Variants in NUP88 observed in about 807,000 individuals in gnomAD.
The protein encoded by NUP88 is nucleoporin 88, also known as nuclear pore complex protein Nup88.
In NUP88, 57 loss-of-function variants were observed where a neutral mutation model predicts 93.9. The observed-to-expected ratio is 0.61, with a 90% CI of 0.49 to 0.76. The LOEUF (loss-of-function observed/expected upper bound fraction) is 0.76. NUP88 is among the 30% of genes least tolerant of loss of function. The pLI is 0.00. For missense variants in NUP88, 911 were observed against 901.0 expected, an observed-to-expected ratio of 1.01 and a Z score of -0.14; for synonymous variants, 346 against 336.8, an observed-to-expected ratio of 1.03 and a Z score of -0.30.
intron 6 of NUP88, among the ~76,000 whole-genome samples, chr17:5,404,607 T>C (rs1012562547): frequency 6.6e-6 from 1 of 151,948 alleles, no homozygotes; most frequent in African/African-American, 2.4e-5. Context: ...AGAGCGAAAC[T>C]CTGTCTCCAA....
chr17:5,390,523 G>A (rs958227721), intron 10 of NUP88, among the ~76,000 whole-genome samples: 5 of 152,084 alleles, frequency 3.3e-5, no homozygotes, highest in East Asian at 1.9e-4. Context: ...AGCTTTGAAC[G>A]GACAAGGGGT....
At chr17:5,389,775 CAA>C (rs58723410) in intron 10 of NUP88, among the ~76,000 whole-genome samples, 2,656 of 76,480 alleles carry the variant, frequency 0.035, 61 homozygotes, top group African/African-American at 0.12. Context: ...GACTCTGTCT[CAA>C]AAAAAAAAAA....
intron 3 of NUP88, 105 bp downstream of exon 3, chr17:5,413,904 T>C: frequency 8.2e-7 from 1 of 1,223,320 alleles, no homozygotes; most frequent in Non-Finnish European, 1.2e-6. Flanking sequence ...ATAAAAGCAC[T>C]GACTCATTCA....
At position 5,392,236 on chromosome 17, in the gene NUP88, G is replaced by T. The variant is rs3026130; in HGVS notation, c.1383-574C>A. On this transcript the variant is annotated intron_variant, in intron 9 of 16. Coordinates refer to ENST00000573584, the MANE Select transcript of NUP88 (RefSeq NM_002532.6). ...CTACAACACACATCTGCCCCCGAAT[G>T]TGGATGCCGCCTCCTCTCACACCTT... Among the ~76,000 whole-genome samples, 521 of 152,314 alleles carry T rather than the reference G, an allele frequency of 3.4e-3. 3 individuals carry two copies. The highest frequency in any genetic ancestry group is 0.012 in the African/African-American group (487 of 41,562).
intron 7 of NUP88, among the ~76,000 whole-genome samples, chr17:5,401,955 T>C (rs1913195542): frequency 6.6e-6 from 1 of 152,222 alleles, no homozygotes; most frequent in South Asian, 2.1e-4. Flanking sequence ...ATATGCCTTG[T>C]TCAGCACAAT....
chr17:5,401,872 A>G (rs924506380), intron 7 of NUP88, among the ~76,000 whole-genome samples: 1 of 152,252 alleles, frequency 6.6e-6, no homozygotes, highest in Non-Finnish European at 1.5e-5. Context: ...GAAATTTGTT[A>G]GATACCACCC....
chr17:5,400,273 A>G (rs909218764), intron 7 of NUP88, among the ~76,000 whole-genome samples: 1 of 151,552 alleles, frequency 6.6e-6, no homozygotes, highest in Non-Finnish European at 1.5e-5. Context: ...CCGAGGTGGG[A>G]GGATCACAAG....
intron 7 of NUP88, among the ~76,000 whole-genome samples, chr17:5,402,217 G>C (rs1364819495): frequency 1.3e-5 from 2 of 152,088 alleles, no homozygotes; most frequent in Non-Finnish European, 1.5e-5. Context: ...TGAGGCAGGA[G>C]AATCGCTTGA....
Position 5,408,720 on chromosome 17 carries a change from C to T in NUP88, c.857+13G>A. The T allele has an allele frequency of 6.4e-7, 1 of 1,565,852 alleles. No individual in the cohort carries two copies. The highest frequency in any genetic ancestry group is 1.4e-5 in the African/African-American group (1 of 72,274). On this transcript the variant is annotated intron_variant, in intron 5 of 16. Coordinates refer to ENST00000573584, the MANE Select transcript of NUP88 (RefSeq NM_002532.6). The stretch of plus-strand genomic sequence containing the variant: ...TGAGTTTTCATTTCAGGTGGGTGAC[C>T]ACCTCAACTTACCTGTGTAACAGAC...
chr17:5,410,471 T>G (rs1329349662), intron 4 of NUP88, among the ~76,000 whole-genome samples: 3 of 99,432 alleles, frequency 3.0e-5, no homozygotes. Context: ...GGCTCAGGCC[T>G]GTAATTCCAG....
chr17:5,419,406 C>G lies in NUP88; in HGVS notation c.245G>C (p.Arg82Pro), dbSNP rs1460907683. ...DGEDSSFLVVRLRGPSGGGEE... is the reference protein window; with the variant it reads ...DGEDSSFLVVPLRGPSGGGEE... ...GCCGCCGCCGCTGGGGCCCCGAAGG[C>G]GAACGACTAAGAAGGAGCTGTCTTC... is the stretch of plus-strand genomic sequence containing the variant. The change falls in exon 1 of 17, where the codon CGC (arginine) becomes CCC (proline). Residue 82 changes from arginine (R) to proline (P), a missense_variant. Coordinates refer to ENST00000573584, the MANE Select transcript of NUP88 (RefSeq NM_002532.6). 7 of 1,611,080 alleles carry G rather than the reference C, an allele frequency of 4.3e-6. No homozygotes were observed. In the Admixed American group the frequency reaches 1.2e-4, roughly 27 times the overall value.
At position 5,388,788 on chromosome 17, in the gene NUP88, C is replaced by G; in HGVS notation, c.1643+14G>C. On this transcript the variant is annotated intron_variant, in intron 11 of 16. Coordinates refer to ENST00000573584, the MANE Select transcript of NUP88 (RefSeq NM_002532.6). ...GAACCCATTCATAAAACCGCTATGCCCAAGGTTGCATACTTCAAAAATGCT... is the reference window on the plus strand; with the variant it reads ...GAACCCATTCATAAAACCGCTATGCGCAAGGTTGCATACTTCAAAAATGCT... 1 of 1,609,458 alleles carries G rather than the reference C, an allele frequency of 6.2e-7. No individual in the cohort carries two copies. The highest frequency in any genetic ancestry group is 2.2e-5 in the East Asian group (1 of 44,738).
chr17:5,416,996 G>T (rs202081159), intron 1 of NUP88, among the ~76,000 whole-genome samples: 2 of 117,892 alleles, frequency 1.7e-5, no homozygotes, highest in Non-Finnish European at 3.5e-5. Flanking sequence ...TAATTAAAAA[G>T]GTTTTTTTTG....
chr17:5,390,857 G>A (rs60793272), intron 10 of NUP88, among the ~76,000 whole-genome samples: 66,324 of 151,766 alleles, frequency 0.44, 15,251 homozygotes, highest in East Asian at 0.84. Context: ...ACCATGCCTG[G>A]CTAATTTTTT....
chr17:5,402,520 C>G (rs1425829540), intron 7 of NUP88, among the ~76,000 whole-genome samples: 1 of 152,182 alleles, frequency 6.6e-6, no homozygotes, highest in Non-Finnish European at 1.5e-5. Flanking sequence ...AATGTACACT[C>G]TTTGCTGGTT....
intron 4 of NUP88, 92 bp from the exon 5 acceptor site, chr17:5,409,001 A>G (rs1913664811): frequency 2.8e-6 from 3 of 1,078,358 alleles, no homozygotes; most frequent in Admixed American, 3.0e-5. Context: ...AAAATGTCTA[A>G]TAACAGGAGG....
Position 5,385,171 on chromosome 17 carries a change from CTTAAGTTTTGT to C in NUP88, c.*1024_*1034del. On this transcript the variant is annotated 3_prime_UTR_variant, in exon 17 of 17. Coordinates refer to ENST00000573584, the MANE Select transcript of NUP88 (RefSeq NM_002532.6). ...TTGTAGAAAAACCCAAACTGAGACT[CTTAAGTTTTGT>C]TTAGCAATGTGTTTCTGGTATGAAA... 1 of 229,940 alleles carries C rather than the reference CTTAAGTTTTGT, an allele frequency of 4.3e-6. No individual in the cohort carries two copies. The highest frequency in any genetic ancestry group is 1.8e-4 in the South Asian group (1 of 5,500). The allele number at this position is 229,940 out of a possible 1,614,324, so 14.2% of individuals were successfully genotyped here.
intron 10 of NUP88, 121 bp downstream of exon 10, chr17:5,391,440 G>C: frequency 2.8e-6 from 2 of 722,518 alleles, no homozygotes; most frequent in South Asian, 3.4e-5. Flanking sequence ...CAACCCTCAA[G>C]TCAGAAGCCA....
intron 4 of NUP88, among the ~76,000 whole-genome samples, chr17:5,409,374 CAA>C (rs10611297): frequency 1.2e-3 from 124 of 99,802 alleles, no homozygotes; most frequent in African/African-American, 4.2e-3. Flanking sequence ...AACTCCGTCT[CAA>C]AAAAAAAAAA....
Sources: gnomAD v4.1 joint callset for allele counts (sites outside exome capture counted in the v4.1 genomes callset) on GRCh38, gnomAD v4.1.1 for gene constraint, MANE v1.5 for transcripts, NCBI Gene and HGNC (gene_info 2026-07-23, HGNC 2026-07-21) for gene names.